Variants in USH2A observed in about 807,000 individuals in gnomAD.
USH2A encodes Usher syndrome 2A (autosomal recessive, mild).
Under a neutral mutation model 538.9 loss-of-function variants are expected in USH2A, and 443 were observed. The ratio of observed to expected loss-of-function variants is 0.82; its 90% confidence interval spans 0.76 to 0.89. The LOEUF is 0.89. Among genes scored for constraint, USH2A ranks in the 40% least tolerant of loss-of-function variants. USH2A has a pLI of 0.00. For missense variants in USH2A, 6,633 were observed against 6,324.8 expected, an observed-to-expected ratio of 1.05 and a Z score of -1.65; for synonymous variants, 2,413 against 2,273.5, an observed-to-expected ratio of 1.06 and a Z score of -1.75.
At chr1:215,913,844 T>A (rs560182384) in intron 38 of USH2A, among the ~76,000 whole-genome samples, 32 of 152,132 alleles carry the variant, frequency 2.1e-4, no homozygotes, top group Admixed American at 8.5e-4. Context: ...AGCTCATTCT[T>A]ATATGGATCA....
chr1:216,295,528 A>AT (rs2037087401), intron 9 of USH2A, among the ~76,000 whole-genome samples: 1 of 151,958 alleles, frequency 6.6e-6, no homozygotes, highest in Non-Finnish European at 1.5e-5. Context: ...GAAAATTCTC[A>AT]TTTTGCATAC....
chr1:216,387,295 GA>G (rs2039024035), intron 3 of USH2A, among the ~76,000 whole-genome samples: 6 of 152,110 alleles, frequency 3.9e-5, no homozygotes, highest in Admixed American at 3.9e-4. Context: ...CAAAGTGATG[GA>G]CCTCAAGGAC....
chr1:215,887,938 G>A (rs1665106782), intron 41 of USH2A, among the ~76,000 whole-genome samples: 1 of 152,182 alleles, frequency 6.6e-6, no homozygotes, highest in Non-Finnish European at 1.5e-5. Context: ...CTGTCCACTA[G>A]AGTTCATTCC....
At chr1:216,256,160 T>G (rs903089103) in intron 11 of USH2A, among the ~76,000 whole-genome samples, 1 of 152,104 alleles carries the variant, frequency 6.6e-6, no homozygotes. Context: ...CAGCATATAG[T>G]TAAGTTGTAC....
At chr1:216,352,765 AT>A (rs2038310995) in intron 4 of USH2A, among the ~76,000 whole-genome samples, 1 of 152,186 alleles carries the variant, frequency 6.6e-6, no homozygotes, top group South Asian at 2.1e-4. Flanking sequence ...AGATCTATTA[AT>A]AGGTGGTATG....
At position 215,981,935 on chromosome 1, in the gene USH2A, T is replaced by A. The variant is rs189469022; in HGVS notation, c.6805+11085A>T. ...TGTGAATTAGAGAAAAAAAGCAAGT[T>A]GCAGAACAGGATAAATTGTATGGCC... On this transcript the variant is annotated intron_variant, in intron 35 of 71. Coordinates refer to ENST00000307340, the MANE Select transcript of USH2A (RefSeq NM_206933.4). 3.1e-3 allele frequency among the ~76,000 whole-genome samples: 468 copies of A among 152,328 alleles called. 1 individual carries two copies. Among genetic ancestry groups the A allele is most frequent in the African/African-American group, 0.011 (453 of 41,572 alleles).
chr1:215,890,448 G>A (rs1214942683), intron 40 of USH2A, among the ~76,000 whole-genome samples: 3 of 152,074 alleles, frequency 2.0e-5, no homozygotes, highest in Non-Finnish European at 4.4e-5. Flanking sequence ...GTCACCAACT[G>A]GACTGATGGT....
Position 216,403,367 on chromosome 1 carries a change from C to A in USH2A, c.651+15147G>T, listed in dbSNP as rs529354921. ...CTCTTTTTCTTCCTAAGATTAGGAA[C>A]AAGAAGAGCAAGAATCTCTGCTCTT... is the stretch of plus-strand genomic sequence containing the variant. On this transcript the variant is annotated intron_variant, in intron 3 of 71. Coordinates refer to ENST00000307340, the MANE Select transcript of USH2A (RefSeq NM_206933.4). 2.9e-4 allele frequency among the ~76,000 whole-genome samples: 44 copies of A among 152,074 alleles called. No individual in the cohort carries two copies. In the East Asian group the frequency reaches 4.1e-3, roughly 14 times the overall value.
chr1:216,050,304 T>C (rs974559546), intron 30 of USH2A, among the ~76,000 whole-genome samples: 5 of 152,188 alleles, frequency 3.3e-5, no homozygotes, highest in Non-Finnish European at 7.3e-5. Context: ...TTCTGTGCCT[T>C]AGTTTCCTAG....
intron 16 of USH2A, among the ~76,000 whole-genome samples, chr1:216,206,312 C>A (rs2035110291): frequency 6.6e-6 from 1 of 151,878 alleles, no homozygotes; most frequent in East Asian, 1.9e-4. Context: ...CTTTTTTGGC[C>A]CCAGGGACTG....
At chr1:215,656,026 G>A (rs866757230) in intron 64 of USH2A, among the ~76,000 whole-genome samples, 5 of 152,086 alleles carry the variant, frequency 3.3e-5, no homozygotes, top group African/African-American at 7.2e-5. Flanking sequence ...AAGCCACCGC[G>A]CCCGGCCTGT....
At position 215,900,116 on chromosome 1, in the gene USH2A, C is replaced by T; in HGVS notation, c.7553G>A (p.Ser2518Asn). ...GAATGGAATCCAAGAACTATGTGCA[C>T]TGCCAAATCCATTGGAGGCAACCAA... ...FRLVASNGFG[S>N]AHSSWIPFMT... The change falls in exon 40 of 72, where the codon AGT becomes AAT. Residue 2518 changes from serine to asparagine, a missense_variant. Ser to Asn is a conservative substitution (Grantham distance 46, BLOSUM62 1). Coordinates refer to ENST00000307340, the MANE Select transcript of USH2A (RefSeq NM_206933.4). 1 of 1,613,752 alleles carries T rather than the reference C, an allele frequency of 6.2e-7. No homozygotes were observed. The highest frequency in any genetic ancestry group is 8.5e-7 in the Non-Finnish European group (1 of 1,179,774).
intron 11 of USH2A, among the ~76,000 whole-genome samples, chr1:216,264,495 G>A (rs914668115): frequency 3.3e-5 from 5 of 151,930 alleles, no homozygotes; most frequent in Non-Finnish European, 7.4e-5. Flanking sequence ...ACAGTCTTTC[G>A]CCATGTTGGT....
intron 32 of USH2A, among the ~76,000 whole-genome samples, 196 bp from the exon 33 acceptor site, chr1:216,000,758 A>T (rs1247198206): frequency 1.3e-5 from 2 of 152,174 alleles, no homozygotes; most frequent in Non-Finnish European, 2.9e-5. Context: ...GTTTAAATAG[A>T]CAAGTGTCAA....
Position 216,365,016 on chromosome 1 carries a change from T to A in USH2A, c.721A>T (p.Thr241Ser). Residue 241 changes from threonine (T) to serine (S), a missense_variant, in exon 4 of 72, where the codon ACT becomes TCT. Physicochemically the swap from Thr to Ser is moderately conservative, Grantham distance 58. Transcript: ENST00000307340. ...AAATCTGTAATTGAACCACTTAGAG[T>A]TCTTGCATTGAAAGGTGTATGATCC... ...EKDHTPFNARTLSGSITDFAS... is the reference protein window; with the variant it reads ...EKDHTPFNARSLSGSITDFAS... 6 of 1,613,696 alleles carry A rather than the reference T, an allele frequency of 3.7e-6. No homozygotes were observed. The highest frequency in any genetic ancestry group is 5.1e-6 in the Non-Finnish European group (6 of 1,179,744).
intron 21 of USH2A, among the ~76,000 whole-genome samples, chr1:216,106,841 T>G (rs1397086100): frequency 6.6e-6 from 1 of 151,938 alleles, no homozygotes; most frequent in Non-Finnish European, 1.5e-5. Flanking sequence ...GTTCATGTTA[T>G]ACTTTATTTT....
At chr1:216,404,713 C>T (rs565391859) in intron 3 of USH2A, among the ~76,000 whole-genome samples, 11 of 150,592 alleles carry the variant, frequency 7.3e-5, no homozygotes, top group African/African-American at 2.7e-4. Context: ...CCTCAACTTC[C>T]TGAGGTCAGG....
chr1:215,634,379 T>C, intron 70 of USH2A, 80 bp downstream of exon 70: 1 of 1,604,468 alleles, frequency 6.2e-7, no homozygotes, highest in Admixed American at 1.7e-5. Flanking sequence ...TTACCATGGC[T>C]ATGACACATT....
chr1:216,369,687 C>T (rs1215209609), intron 3 of USH2A, among the ~76,000 whole-genome samples: 1 of 151,728 alleles, frequency 6.6e-6, no homozygotes, highest in Non-Finnish European at 1.5e-5. Context: ...CTGAGGCAGG[C>T]AGATCATGAG....
Sources: gnomAD v4.1 joint callset for allele counts (sites outside exome capture counted in the v4.1 genomes callset) on GRCh38, gnomAD v4.1.1 for gene constraint, MANE v1.5 for transcripts, NCBI Gene and HGNC (gene_info 2026-07-23, HGNC 2026-07-21) for gene names.